RPS6KC1: variants seen among roughly 807,000 people sequenced by gnomAD.
The protein encoded by RPS6KC1 is ribosomal protein S6 kinase C1.
RPS6KC1 carries 54 observed loss-of-function variants against 103.8 expected under a neutral mutation model. The observed-to-expected ratio is 0.52, with a 90% CI of 0.42 to 0.65. The LOEUF is 0.65. Ranked by LOEUF, RPS6KC1 falls within the 30% of genes least tolerant of loss-of-function variation. The pLI is 0.00. For synonymous variants in RPS6KC1, 439 were observed against 438.7 expected, an observed-to-expected ratio of 1.00 and a Z score of -0.01; for missense variants, 1,151 against 1,253.8, an observed-to-expected ratio of 0.92 and a Z score of 1.24.
chr1:213,750,267 A>G, the RPS6KC1 span, among the ~76,000 whole-genome samples: 1 of 152,170 alleles, frequency 6.6e-6, no homozygotes, highest in African/African-American at 2.4e-5. Flanking sequence ...AAACTTTCAC[A>G]TCTTCTGAAT....
At chr1:213,733,546 T>G in the RPS6KC1 span, among the ~76,000 whole-genome samples, 35,710 of 141,914 alleles carry the variant, frequency 0.25, 4,794 homozygotes, top group Middle Eastern at 0.38. Flanking sequence ...TATTTTTAGT[T>G]TGTTTTTTTT....
the RPS6KC1 span, among the ~76,000 whole-genome samples, chr1:213,569,166 A>G: frequency 2.0e-5 from 3 of 152,242 alleles, no homozygotes; most frequent in African/African-American, 7.2e-5. Context: ...AGTGCCAGCC[A>G]TTTGATGCCC....
At chr1:213,068,477 C>CT (rs1458587526) in intron 1 of RPS6KC1, among the ~76,000 whole-genome samples, 1 of 78,052 alleles carries the variant, frequency 1.3e-5, no homozygotes, top group Non-Finnish European at 2.2e-5. Flanking sequence ...GAGCAAGACT[C>CT]TGTCTCAAAA....
chr1:213,114,871 A>G (rs1322402599), intron 4 of RPS6KC1, among the ~76,000 whole-genome samples: 10 of 152,108 alleles, frequency 6.6e-5, no homozygotes, highest in Admixed American at 2.6e-4. Context: ...ATTTGCATAT[A>G]TTGAACCAGC....
chr1:213,296,759 G>GCAGC, the RPS6KC1 span, among the ~76,000 whole-genome samples: 2 of 152,214 alleles, frequency 1.3e-5, no homozygotes, highest in Admixed American at 1.3e-4. Context: ...TTGTGGTTTA[G>GCAGC]CAGCCATTGG....
the RPS6KC1 span, among the ~76,000 whole-genome samples, chr1:213,493,460 G>A: frequency 1.3e-5 from 2 of 152,222 alleles, no homozygotes; most frequent in Admixed American, 6.5e-5. Flanking sequence ...GACAACTAAC[G>A]GCCAACGTTT....
the RPS6KC1 span, among the ~76,000 whole-genome samples, chr1:213,613,800 A>G: frequency 6.6e-6 from 1 of 152,150 alleles, no homozygotes; most frequent in Non-Finnish European, 1.5e-5. Context: ...CTCCCACCTC[A>G]ATTGCCCAGG....
chr1:213,420,505 A>G, the RPS6KC1 span, among the ~76,000 whole-genome samples: 1 of 152,242 alleles, frequency 6.6e-6, no homozygotes, highest in Non-Finnish European at 1.5e-5. Flanking sequence ...AGGCAAAAGC[A>G]AAGCATCATG....
At chr1:213,120,667 T>C (rs1365444920) in intron 5 of RPS6KC1, among the ~76,000 whole-genome samples, 1 of 152,200 alleles carries the variant, frequency 6.6e-6, no homozygotes, top group African/African-American at 2.4e-5. Context: ...TGAAAACTTC[T>C]CTAAATGTAC....
At chr1:213,537,173 C>T in the RPS6KC1 span, among the ~76,000 whole-genome samples, 7 of 152,276 alleles carry the variant, frequency 4.6e-5, no homozygotes, top group African/African-American at 1.7e-4. Flanking sequence ...TCTGTAAGGC[C>T]GTGCTCCTTG....
chr1:213,567,051 T>A, the RPS6KC1 span, among the ~76,000 whole-genome samples: 26,693 of 152,104 alleles, frequency 0.18, 2,719 homozygotes, highest in East Asian at 0.4. Flanking sequence ...TTCAGAGAAA[T>A]TTTTTCATTT....
the RPS6KC1 span, chr1:213,843,586 G>A: frequency 1.3e-5 from 2 of 152,104 alleles, no homozygotes; most frequent in African/African-American, 4.8e-5. Flanking sequence ...ACATTTCAGA[G>A]ACCATTCCAG....
the RPS6KC1 span, among the ~76,000 whole-genome samples, chr1:213,315,032 C>T: frequency 2.6e-5 from 4 of 152,166 alleles, no homozygotes; most frequent in East Asian, 1.9e-4. Flanking sequence ...CCAGGAAAAT[C>T]GGTAAAGTCA....
At chr1:213,843,490 C>T in the RPS6KC1 span, 2 of 152,198 alleles carry the variant, frequency 1.3e-5, no homozygotes, top group Non-Finnish European at 2.9e-5. Flanking sequence ...TACCGGACCC[C>T]AACCTGAAGC....
the RPS6KC1 span, among the ~76,000 whole-genome samples, chr1:213,467,707 C>T: frequency 6.6e-6 from 1 of 152,204 alleles, no homozygotes; most frequent in Non-Finnish European, 1.5e-5. Flanking sequence ...CAGAGATCCT[C>T]TTCCCTTCTC....
At chr1:213,524,554 G>A in the RPS6KC1 span, among the ~76,000 whole-genome samples, 1 of 152,164 alleles carries the variant, frequency 6.6e-6, no homozygotes, top group Non-Finnish European at 1.5e-5. Context: ...TTCTGTCATT[G>A]AGGACCTATC....
the RPS6KC1 span, among the ~76,000 whole-genome samples, chr1:213,836,413 A>G: frequency 7.2e-5 from 11 of 152,120 alleles, no homozygotes. Flanking sequence ...GCACAACCAC[A>G]CTTAAATGTG....
At chr1:213,690,459 T>C in the RPS6KC1 span, among the ~76,000 whole-genome samples, 5 of 152,188 alleles carry the variant, frequency 3.3e-5, no homozygotes, top group African/African-American at 7.2e-5. Context: ...TTACCAGGCA[T>C]ATGGCTGCTT....
chr1:213,072,879 T>C, intron 2 of RPS6KC1: 1 of 962,752 alleles, frequency 1.0e-6, no homozygotes, highest in Non-Finnish European at 1.2e-6. Context: ...GGGAGAATCC[T>C]GAACCAACCT....
Sources: gnomAD v4.1 joint callset for allele counts (sites outside exome capture counted in the v4.1 genomes callset) on GRCh38, gnomAD v4.1.1 for gene constraint, MANE v1.5 for transcripts, NCBI Gene and HGNC (gene_info 2026-07-23, HGNC 2026-07-21) for gene names.